Variants in EPHA3 observed in about 807,000 individuals in gnomAD.
EPHA3 encodes EPH receptor A3, also known as ephrin type-A receptor 3.
EPHA3 carries 42 observed loss-of-function variants against 107.1 expected under a neutral mutation model. The observed-to-expected ratio is 0.39, with a 90% CI of 0.31 to 0.51. The LOEUF is 0.51. Among genes scored for constraint, EPHA3 ranks in the 20% least tolerant of loss-of-function variants. The pLI, the probability that EPHA3 is intolerant of heterozygous loss-of-function variation, is 0.78. For missense variants in EPHA3, 1,183 were observed against 1,211.2 expected, an observed-to-expected ratio of 0.98 and a Z score of 0.35; for synonymous variants, 461 against 424.8, an observed-to-expected ratio of 1.09 and a Z score of -1.05.
chr3:89,181,484 G>A (rs1283288331), intron 2 of EPHA3, among the ~76,000 whole-genome samples: 3 of 151,838 alleles, frequency 2.0e-5, no homozygotes, highest in African/African-American at 7.2e-5. Context: ...GGTAGTCAAT[G>A]ACAACCTCAG....
chr3:89,407,890 C>T (rs1329507874), intron 8 of EPHA3, among the ~76,000 whole-genome samples, 177 bp from the exon 9 acceptor site: 1 of 152,054 alleles, frequency 6.6e-6, no homozygotes, highest in African/African-American at 2.4e-5. Flanking sequence ...TTCCAGGGTT[C>T]CCAGAGAGAG....
chr3:89,324,392 T>C (rs1325677497), intron 3 of EPHA3, among the ~76,000 whole-genome samples: 2 of 151,748 alleles, frequency 1.3e-5, no homozygotes, highest in African/African-American at 4.8e-5. Context: ...GCTGGTCTCA[T>C]CCTCCTGAAC....
At chr3:89,340,150 T>G (rs1707484844) in intron 3 of EPHA3, among the ~76,000 whole-genome samples, 1 of 152,174 alleles carries the variant, frequency 6.6e-6, no homozygotes, top group Non-Finnish European at 1.5e-5. Flanking sequence ...AAATCAATGT[T>G]CGATAACCAG....
chr3:89,211,851 A>G (rs901953644), intron 3 of EPHA3, among the ~76,000 whole-genome samples: 2 of 146,306 alleles, frequency 1.4e-5, no homozygotes, highest in African/African-American at 2.5e-5. Flanking sequence ...TCTTTTGGCT[A>G]GGTAGGATAG....
chr3:89,219,696 T>TTTG (rs1559606325), intron 3 of EPHA3, among the ~76,000 whole-genome samples: 233 of 12,482 alleles, frequency 0.019, 50 homozygotes, highest in East Asian at 0.027. Context: ...ATGTTTTTTT[T>TTTG]TTTTTTGTTT....
At chr3:89,253,210 CT>C (rs1303115780) in intron 3 of EPHA3, among the ~76,000 whole-genome samples, 5 of 151,860 alleles carry the variant, frequency 3.3e-5, no homozygotes, top group African/African-American at 9.7e-5. Context: ...TATTTTATAC[CT>C]TTTTTCTTTT....
chr3:89,372,379 G>T (rs73137347), intron 5 of EPHA3, among the ~76,000 whole-genome samples: 1 of 151,344 alleles, frequency 6.6e-6, no homozygotes, highest in African/African-American at 2.4e-5. Flanking sequence ...TCATACTTAG[G>T]TTCAAGCCTT....
chr3:89,164,810 A>G (rs1377110003), intron 2 of EPHA3, among the ~76,000 whole-genome samples: 3 of 152,228 alleles, frequency 2.0e-5, no homozygotes, highest in African/African-American at 4.8e-5. Flanking sequence ...ACCCTGCAGA[A>G]TAGTCACAGT....
At chr3:89,366,212 C>A (rs1361549229) in intron 5 of EPHA3, among the ~76,000 whole-genome samples, 1 of 150,602 alleles carries the variant, frequency 6.6e-6, no homozygotes, top group African/African-American at 2.4e-5. Flanking sequence ...AATATTTACA[C>A]ATATTGAGTT....
intron 3 of EPHA3, among the ~76,000 whole-genome samples, chr3:89,216,086 A>G (rs1019855638): frequency 6.6e-6 from 1 of 151,962 alleles, no homozygotes; most frequent in African/African-American, 2.4e-5. Context: ...TTTAGGTAAT[A>G]TCTATATGCC....
chr3:89,127,750 T>A (rs1316945714), intron 2 of EPHA3, among the ~76,000 whole-genome samples: 1 of 152,018 alleles, frequency 6.6e-6, no homozygotes, highest in Non-Finnish European at 1.5e-5. Flanking sequence ...GTTTCAAATG[T>A]CTACAGTTTG....
chr3:89,431,343 C>A lies in EPHA3; in HGVS notation c.2330C>A (p.Ala777Asp), dbSNP rs34437982. 4 of 1,613,568 alleles carry A rather than the reference C, an allele frequency of 2.5e-6. No individual in the cohort carries two copies. The highest frequency in any genetic ancestry group is 3.4e-6 in the Non-Finnish European group (4 of 1,179,814). ...LSRVLEDDPE[A>D]AYTTRGGKIP... The stretch of plus-strand genomic sequence containing the variant: ...CGTGTCCTGGAGGATGACCCAGAAG[C>A]TGCTTATACAACAAGAGTGAGTAAC... Residue 777 changes from alanine to aspartate, a missense_variant, in exon 13 of 17, where the codon GCT becomes GAT. Transcript: ENST00000336596.
chr3:89,347,615 C>T (rs2107434466), intron 5 of EPHA3, among the ~76,000 whole-genome samples: 1 of 150,346 alleles, frequency 6.7e-6, no homozygotes, highest in Admixed American at 6.6e-5. Context: ...TTTCCTTCTC[C>T]TGCCTAATTG....
chr3:89,181,047 G>A (rs1705432529), intron 2 of EPHA3, among the ~76,000 whole-genome samples: 1 of 151,798 alleles, frequency 6.6e-6, no homozygotes, highest in Non-Finnish European at 1.5e-5. Flanking sequence ...TTTTGAAAAT[G>A]TTTCTTTTTA....
At chr3:89,314,348 T>G (rs1706841595) in intron 3 of EPHA3, among the ~76,000 whole-genome samples, 1 of 151,944 alleles carries the variant, frequency 6.6e-6, no homozygotes. Context: ...GTGACTAACT[T>G]TTTTATATAA....
intron 3 of EPHA3, among the ~76,000 whole-genome samples, chr3:89,317,364 A>T (rs529905889): frequency 6.6e-6 from 1 of 151,742 alleles, no homozygotes; most frequent in African/African-American, 2.4e-5. Context: ...TCAGATCTGG[A>T]TGTGTTTAAA....
At chr3:89,299,863 T>G (rs930870312) in intron 3 of EPHA3, among the ~76,000 whole-genome samples, 10 of 152,074 alleles carry the variant, frequency 6.6e-5, no homozygotes, top group African/African-American at 2.4e-4. Context: ...AAATTTTTGA[T>G]AGCCGTAAGT....
At chr3:89,418,118 A>C (rs1375169888) in intron 10 of EPHA3, among the ~76,000 whole-genome samples, 1 of 151,490 alleles carries the variant, frequency 6.6e-6, no homozygotes, top group African/African-American at 2.4e-5. Context: ...GCTCATAGAA[A>C]ATTCACAGAG....
At chr3:89,179,261 A>G (rs532638923) in intron 2 of EPHA3, among the ~76,000 whole-genome samples, 2 of 152,160 alleles carry the variant, frequency 1.3e-5, no homozygotes, top group South Asian at 2.1e-4. Context: ...CTACTGTTAT[A>G]CTGATCTCTG....
Sources: gnomAD v4.1 joint callset for allele counts (sites outside exome capture counted in the v4.1 genomes callset) on GRCh38, gnomAD v4.1.1 for gene constraint, MANE v1.5 for transcripts, NCBI Gene and HGNC (gene_info 2026-07-23, HGNC 2026-07-21) for gene names.